Variants in PUS7 observed in about 807,000 individuals in gnomAD.
The protein encoded by PUS7 is pseudouridylate synthase 7 homolog.
Under a neutral mutation model 79.8 loss-of-function variants are expected in PUS7, and 48 were observed. That is an observed-to-expected ratio of 0.60 (90% CI 0.48 to 0.76). The LOEUF (loss-of-function observed/expected upper bound fraction) is 0.76, where lower values mean the gene tolerates loss of function less well. PUS7 is among the 30% of genes least tolerant of loss of function. The pLI, the probability that PUS7 is intolerant of heterozygous loss-of-function variation, is 0.00. For missense variants in PUS7, 729 were observed against 797.6 expected (o/e 0.91, Z 1.04); for synonymous variants, 286 against 272.2 (o/e 1.05, Z -0.50).
At chr7:105,481,611 A>G (rs1429068067) in intron 8 of PUS7, among the ~76,000 whole-genome samples, 2 of 151,894 alleles carry the variant, frequency 1.3e-5, no homozygotes, top group African/African-American at 4.8e-5. Context: ...GAAACTCTGT[A>G]CCCCTAAACA....
intron 1 of PUS7, among the ~76,000 whole-genome samples, chr7:105,516,646 G>C (rs992813838): frequency 3.3e-5 from 5 of 152,018 alleles, no homozygotes; most frequent in African/African-American, 1.2e-4. Flanking sequence ...TAGAGACGGA[G>C]TTTCACCATG....
At position 105,506,203 on chromosome 7, in the gene PUS7, GAATGGACAAGTCATTCAA is replaced by G; in HGVS notation, c.451_468del (p.Leu151_Ile156del). ...GCTACTTCTACCTCCTCATCCACTG[GAATGGACAAGTCATTCAA>G]ATGGCTGATCCGTCCATCTTTTCCT... On this transcript the variant is annotated inframe_deletion, in exon 3 of 16. Coordinates refer to ENST00000469408, the MANE Select transcript of PUS7 (RefSeq NM_019042.5). The G allele has an allele frequency of 6.2e-7, 1 of 1,612,324 alleles. No homozygotes were observed. The highest frequency in any genetic ancestry group is 2.2e-5 in the East Asian group (1 of 44,836).
chr7:105,492,507 T>TA (rs1258951596), intron 6 of PUS7, among the ~76,000 whole-genome samples: 1 of 137,470 alleles, frequency 7.3e-6, no homozygotes, highest in African/African-American at 2.7e-5. Flanking sequence ...TGTATTTTTT[T>TA]TTTTTTTTTT....
chr7:105,474,110 T>C (rs1428056343), intron 9 of PUS7, among the ~76,000 whole-genome samples: 4 of 152,208 alleles, frequency 2.6e-5, no homozygotes, highest in Non-Finnish European at 5.9e-5. Flanking sequence ...CAAAAGAATA[T>C]AGGAATCCCC....
At chr7:105,468,486 G>C (rs373723339) in intron 11 of PUS7, 23 bp from the exon 12 acceptor site, 1 of 1,560,466 alleles carries the variant, frequency 6.4e-7, no homozygotes, top group Admixed American at 2.0e-5. Context: ...AAAAAAATAG[G>C]CAAGAAAACA....
intron 4 of PUS7, among the ~76,000 whole-genome samples, chr7:105,504,260 G>A (rs754489993): frequency 6.6e-6 from 1 of 151,354 alleles, no homozygotes; most frequent in Non-Finnish European, 1.5e-5. Context: ...TAGTAGAGAT[G>A]GGGTTTCTCC....
intron 9 of PUS7, among the ~76,000 whole-genome samples, chr7:105,472,953 G>T (rs991382419): frequency 3.4e-5 from 5 of 146,292 alleles, no homozygotes; most frequent in African/African-American, 1.3e-4. Flanking sequence ...AGTAGAGATG[G>T]GGTTTCACCA....
chr7:105,510,521 ATT>A (rs972841655), intron 1 of PUS7, among the ~76,000 whole-genome samples: 1 of 149,634 alleles, frequency 6.7e-6, no homozygotes, highest in African/African-American at 2.4e-5. Context: ...GCAAATTTTA[ATT>A]TTTTTTTTGA....
intron 6 of PUS7, among the ~76,000 whole-genome samples, chr7:105,492,500 ATTTTTT>A (rs1159017117): frequency 6.9e-5 from 6 of 87,284 alleles, no homozygotes; most frequent in African/African-American, 1.0e-4. Flanking sequence ...GATTTTTTGT[ATTTTTT>A]TTTTTTTTTT....
Position 105,520,670 on chromosome 7 carries a change from C to T in PUS7, c.-33+1382G>A, listed in dbSNP as rs141620955. On this transcript the variant is annotated intron_variant, in intron 1 of 15. Transcript: ENST00000469408. ...CCAGGAGGCTGAGGTTGCAGTGAGC[C>T]AAGATCGTGCCATTGCACTCCAGCC... is the stretch of plus-strand genomic sequence containing the variant. Among the ~76,000 whole-genome samples, 826 of 152,174 alleles carry T rather than the reference C, an allele frequency of 5.4e-3. 15 individuals are homozygous for T. The highest frequency in any genetic ancestry group is 0.037 in the East Asian group (193 of 5,184).
At chr7:105,515,980 T>G (rs1047532716) in intron 1 of PUS7, among the ~76,000 whole-genome samples, 1 of 151,984 alleles carries the variant, frequency 6.6e-6, no homozygotes, top group Non-Finnish European at 1.5e-5. Context: ...CAGCTAATTT[T>G]TTGTATTTTT....
At chr7:105,502,163 C>T (rs1222476062) in intron 5 of PUS7, among the ~76,000 whole-genome samples, 1 of 152,044 alleles carries the variant, frequency 6.6e-6, no homozygotes, top group Non-Finnish European at 1.5e-5. Context: ...ATCCCTAAGA[C>T]TCTCTCTCAG....
chr7:105,515,791 T>A (rs1458399868), intron 1 of PUS7, among the ~76,000 whole-genome samples: 1 of 121,240 alleles, frequency 8.2e-6, no homozygotes, highest in Non-Finnish European at 1.7e-5. Context: ...TTTTATTTTA[T>A]TTTATTTATT....
Position 105,520,519 on chromosome 7 carries a change from AAAAT to A in PUS7, c.-33+1529_-33+1532del, listed in dbSNP as rs139684453. On this transcript the variant is annotated intron_variant, in intron 1 of 15. Coordinates refer to ENST00000469408, the MANE Select transcript of PUS7 (RefSeq NM_019042.5). The stretch of plus-strand genomic sequence containing the variant: ...GTGGGCGACAGAGCGAGACTGTCTC[AAAAT>A]AAATAAATAAATAAATAAATAAATA... Among the ~76,000 whole-genome samples the A allele has an allele frequency of 6.2e-3, 873 of 140,644 alleles. 5 individuals are homozygous for A. The highest frequency in any genetic ancestry group is 0.019 in the African/African-American group (744 of 38,596). The allele number at this position is 140,644 out of a possible 152,430, so 92.3% of individuals were successfully genotyped here. A position where few individuals can be genotyped will look rare whatever the true frequency, so the allele number is the denominator to read the frequency against.
At chr7:105,465,254 A>C in intron 13 of PUS7, 59 bp downstream of exon 13, 1 of 1,248,532 alleles carries the variant, frequency 8.0e-7, no homozygotes, top group Non-Finnish European at 1.2e-6. Context: ...ATATGCTTGA[A>C]ATAGTAGCTT....
At chr7:105,501,139 A>G (rs936300804) in intron 5 of PUS7, among the ~76,000 whole-genome samples, 1 of 152,104 alleles carries the variant, frequency 6.6e-6, no homozygotes, top group Admixed American at 6.6e-5. Flanking sequence ...ATACCCTCTC[A>G]TTTCACTAGA....
intron 1 of PUS7, among the ~76,000 whole-genome samples, chr7:105,508,946 C>T (rs1473794368): frequency 3.5e-5 from 5 of 141,446 alleles, no homozygotes; most frequent in Admixed American, 2.2e-4. Flanking sequence ...TTTGGGAGGC[C>T]GAGGTGGGCG....
chr7:105,490,405 T>C (rs529904925), intron 7 of PUS7, among the ~76,000 whole-genome samples: 1 of 152,274 alleles, frequency 6.6e-6, no homozygotes, highest in South Asian at 2.1e-4. Flanking sequence ...ACAGTACAGC[T>C]ATTAAATTCA....
At chr7:105,484,138 CTT>C (rs978502976) in intron 7 of PUS7, among the ~76,000 whole-genome samples, 1 of 152,092 alleles carries the variant, frequency 6.6e-6, no homozygotes, top group Non-Finnish European at 1.5e-5. Flanking sequence ...CTAAGAGTCT[CTT>C]TGTCTTTGCT....
Sources: gnomAD v4.1 joint callset for allele counts (sites outside exome capture counted in the v4.1 genomes callset) on GRCh38, gnomAD v4.1.1 for gene constraint, MANE v1.5 for transcripts, NCBI Gene and HGNC (gene_info 2026-07-23, HGNC 2026-07-21) for gene names.